Variants in SHTN1 observed in about 807,000 individuals in gnomAD.
SHTN1 encodes shootin-1.
SHTN1 carries 42 observed loss-of-function variants against 83.1 expected under a neutral mutation model. The observed-to-expected ratio is 0.51, with a 90% CI of 0.39 to 0.65. SHTN1 has a LOEUF of 0.65. SHTN1 is among the 30% of genes least tolerant of loss of function. The probability of loss-of-function intolerance (pLI) is 0.00; values close to 1 mark genes in which losing one functional copy is unlikely to be tolerated. For synonymous variants in SHTN1, 224 were observed against 247.7 expected, an observed-to-expected ratio of 0.90 and a Z score of 0.90; for missense variants, 622 against 737.8, an observed-to-expected ratio of 0.84 and a Z score of 1.82.
chr10:116,934,736 T>C (rs994782454), intron 9 of SHTN1, among the ~76,000 whole-genome samples: 4 of 152,234 alleles, frequency 2.6e-5, no homozygotes, highest in African/African-American at 7.2e-5. Context: ...AGGGATAGCA[T>C]TGAATCCATA....
At chr10:117,096,961 G>A (rs1406972419) in intron 1 of SHTN1, among the ~76,000 whole-genome samples, 1 of 152,044 alleles carries the variant, frequency 6.6e-6, no homozygotes, top group Admixed American at 6.6e-5. Flanking sequence ...ATCTTACAAA[G>A]CTTTAATAAC....
At chr10:117,030,908 A>G (rs1362939353) in intron 2 of SHTN1, among the ~76,000 whole-genome samples, 1 of 152,170 alleles carries the variant, frequency 6.6e-6, no homozygotes, top group South Asian at 2.1e-4. Flanking sequence ...GGTCTTAAAG[A>G]AGAGGTAGAA....
chr10:116,963,160 C>T (rs1249060469), intron 3 of SHTN1, among the ~76,000 whole-genome samples: 28 of 137,162 alleles, frequency 2.0e-4, no homozygotes, highest in Non-Finnish European at 2.9e-4. Flanking sequence ...CAAGCTCCGC[C>T]TCCCGGGTTC....
chr10:117,039,730 G>A (rs1164346257), intron 2 of SHTN1, among the ~76,000 whole-genome samples: 1 of 151,818 alleles, frequency 6.6e-6, no homozygotes, highest in Non-Finnish European at 1.5e-5. Flanking sequence ...GTGGGCACCT[G>A]TAGTCCCAGC....
intron 14 of SHTN1, chr10:116,911,456 T>A (rs1320082867): frequency 1.3e-6 from 2 of 1,547,504 alleles, no homozygotes; most frequent in Non-Finnish European, 1.7e-6. Flanking sequence ...TCTATTATAT[T>A]TCTGTTTTTC....
chr10:117,037,927 A>AC (rs35887306), intron 2 of SHTN1, among the ~76,000 whole-genome samples: 149,390 of 149,390 alleles, frequency 1, 74,695 homozygotes, highest in Non-Finnish European at 1. Flanking sequence ...AATTGTTTGA[A>AC]CTGGGAGGCA....
intron 13 of SHTN1, among the ~76,000 whole-genome samples, chr10:116,913,623 C>T (rs1848283452): frequency 6.6e-6 from 1 of 152,156 alleles, no homozygotes; most frequent in Non-Finnish European, 1.5e-5. Flanking sequence ...TTCTTTATGG[C>T]ATTGTATTTT....
At chr10:116,971,460 A>C (rs1315390334) in intron 2 of SHTN1, among the ~76,000 whole-genome samples, 1 of 152,188 alleles carries the variant, frequency 6.6e-6, no homozygotes, top group Admixed American at 6.5e-5. Context: ...TCCTCAACCC[A>C]AACGGACTAC....
At chr10:117,040,704 GCTCAATTGA>G (rs1484274287) in intron 2 of SHTN1, among the ~76,000 whole-genome samples, 1 of 152,052 alleles carries the variant, frequency 6.6e-6, no homozygotes, top group African/African-American at 2.4e-5. Flanking sequence ...GCTTTAAACT[GCTCAATTGA>G]CTTTTCATTA....
At chr10:116,935,943 T>A (rs1374916142) in intron 9 of SHTN1, among the ~76,000 whole-genome samples, 1 of 152,180 alleles carries the variant, frequency 6.6e-6, no homozygotes, top group African/African-American at 2.4e-5. Context: ...GATTTTCTAG[T>A]TTATTTGTGT....
At chr10:116,952,667 A>G (rs542170428) in intron 5 of SHTN1, among the ~76,000 whole-genome samples, 25 of 152,342 alleles carry the variant, frequency 1.6e-4, no homozygotes, top group African/African-American at 5.8e-4. Context: ...TTCTGGTGTT[A>G]AAGTTACTTC....
At chr10:116,917,496 G>A (rs1848420114) in intron 12 of SHTN1, among the ~76,000 whole-genome samples, 1 of 152,088 alleles carries the variant, frequency 6.6e-6, no homozygotes, top group Non-Finnish European at 1.5e-5. Flanking sequence ...TAGAGACGGG[G>A]TTTCACCATA....
In SHTN1 at chr10:116,891,911, G is replaced by T. The variant is rs1214856534; in HGVS notation, c.1674-5345C>A. On this transcript the variant is annotated intron_variant, in intron 16 of 16. Coordinates refer to ENST00000355371, the MANE Select transcript of SHTN1 (RefSeq NM_001127211.3). Reference sequence around the variant, plus strand: ...TTTCAAAACTTCATTTTAGCTCAAAGAACGTATTAAGTTTGTCAATTTGGG... The same window carrying T: ...TTTCAAAACTTCATTTTAGCTCAAATAACGTATTAAGTTTGTCAATTTGGG... Among the ~76,000 whole-genome samples, 3 of 152,232 alleles carry T rather than the reference G, an allele frequency of 2.0e-5. No homozygotes were observed. The East Asian group carries it at 5.8e-4, about 29-fold the overall frequency.
At position 117,047,727 on chromosome 10, in the gene SHTN1, A is replaced by G. The variant is rs372374668; in HGVS notation, c.-123+718T>C. ...TATGCAGGGAAAGAAAACTCCAGTC[A>G]CTGCAAAAGCATACACAAATACATA... On this transcript the variant is annotated intron_variant, in intron 2 of 17. Coordinates refer to the SHTN1 transcript ENST00000392901. Among the ~76,000 whole-genome samples, 60 of 150,626 alleles carry G rather than the reference A, an allele frequency of 4.0e-4. No individual in the cohort carries two copies. The Middle Eastern group carries it at 0.01, about 26-fold the overall frequency.
At chr10:117,101,715 C>T (rs1040825348) in intron 1 of SHTN1, among the ~76,000 whole-genome samples, 2 of 152,088 alleles carry the variant, frequency 1.3e-5, no homozygotes, top group Non-Finnish European at 2.9e-5. Context: ...CAACACAAAG[C>T]TATCCAAAGA....
intron 13 of SHTN1, among the ~76,000 whole-genome samples, chr10:116,913,718 T>C (rs1167066614): frequency 6.6e-6 from 1 of 152,226 alleles, no homozygotes; most frequent in African/African-American, 2.4e-5. Context: ...TTTTCAAAGG[T>C]GGCACTCAGA....
intron 1 of SHTN1, among the ~76,000 whole-genome samples, chr10:117,096,436 G>A (rs1350352349): frequency 1.3e-5 from 2 of 152,078 alleles, no homozygotes; most frequent in Non-Finnish European, 2.9e-5. Flanking sequence ...TTAAAAGAGA[G>A]AACAAGAGAA....
intron 2 of SHTN1, among the ~76,000 whole-genome samples, chr10:117,034,429 GTCAGGAGT>G (rs1352825144): frequency 1.3e-5 from 2 of 152,156 alleles, no homozygotes; most frequent in Non-Finnish European, 2.9e-5. Flanking sequence ...GTTACCTGAG[GTCAGGAGT>G]TCAAGACCAG....
At chr10:116,948,466 T>C (rs1052312496) in intron 7 of SHTN1, among the ~76,000 whole-genome samples, 1 of 152,230 alleles carries the variant, frequency 6.6e-6, no homozygotes, top group African/African-American at 2.4e-5. Flanking sequence ...GCACTTTGTA[T>C]ACCAATCTAA....
Sources: gnomAD v4.1 joint callset for allele counts (sites outside exome capture counted in the v4.1 genomes callset) on GRCh38, gnomAD v4.1.1 for gene constraint, MANE v1.5 for transcripts, NCBI Gene and HGNC (gene_info 2026-07-23, HGNC 2026-07-21) for gene names.